The following SDC3 variants were observed in gnomAD, a reference collection of about 807,000 sequenced individuals.
The protein encoded by SDC3 is syndecan 3, also known as syndecan-3.
SDC3 carries 13 observed loss-of-function variants against 24.4 expected under a neutral mutation model. The ratio of observed to expected loss-of-function variants is 0.53; its 90% CI spans 0.35 to 0.85. SDC3 has a LOEUF of 0.85. SDC3 is among the 40% of genes least tolerant of loss of function. The pLI is 0.01. For missense variants in SDC3, 571 were observed against 584.5 expected (o/e 0.98, Z 0.24); for synonymous variants, 295 against 260.9 (o/e 1.13, Z -1.26).
chr1:30,873,256 G>A lies in SDC3; in HGVS notation c.1284C>T (p.Ser428=), dbSNP rs143952864. ...SYTLEEPKQA[S]VTYQKPDKQE... ...GCTTGTCAGGCTTCTGGTATGTGAC[G>A]CTCGCCTGCTTGGGTTCCTCCAGCG... The change falls in exon 5 of 5, where the codon AGC becomes AGT. Residue 428 remains serine (S), a synonymous_variant. Transcript: ENST00000339394. 5.6e-5 allele frequency: 90 copies of A among 1,613,244 alleles called. 2 individuals carry two copies. Among genetic ancestry groups the A allele is most frequent in the East Asian group, 4.0e-4 (18 of 44,888 alleles).
intron 1 of SDC3, among the ~76,000 whole-genome samples, chr1:30,893,261 T>G (rs904205997): frequency 2.0e-5 from 2 of 100,228 alleles, no homozygotes; most frequent in Non-Finnish European, 3.8e-5. Flanking sequence ...AAAGACAGTC[T>G]CACCACTGTG....
Position 30,874,554 on chromosome 1 carries a change from C to T in SDC3, c.905G>A (p.Arg302Gln), listed in dbSNP as rs184703127. 105 of 1,614,118 alleles carry T rather than the reference C, an allele frequency of 6.5e-5. No individual in the cohort carries two copies. The highest frequency in any genetic ancestry group is 6.3e-4 in the Admixed American group (38 of 60,012). Residue 302 changes from arginine (R) to glutamine (Q), a missense_variant, in exon 4 of 5, where the codon CGG becomes CAG. Arg to Gln is a conservative substitution (Grantham distance 43). Coordinates refer to ENST00000339394, the MANE Select transcript of SDC3 (RefSeq NM_014654.4). Reference sequence around the variant, plus strand: ...ACTCACCGGAACCTCTGGCTCATCCCGGATTGTGGTCAGGAAGGTCTCTGG... The same window carrying T: ...ACTCACCGGAACCTCTGGCTCATCCTGGATTGTGGTCAGGAAGGTCTCTGG... Reference protein sequence around the residue: ...PTPETFLTTIRDEPEVPVSGG... With the variant: ...PTPETFLTTIQDEPEVPVSGG...
chr1:30,902,144 G>A (rs1249831544), intron 1 of SDC3, among the ~76,000 whole-genome samples: 1 of 152,228 alleles, frequency 6.6e-6, no homozygotes, highest in Non-Finnish European at 1.5e-5. Context: ...TGGGGCAACA[G>A]GGGTTGTAGA....
intron 1 of SDC3, among the ~76,000 whole-genome samples, chr1:30,901,954 G>C (rs576319950): frequency 5.9e-5 from 9 of 152,330 alleles, no homozygotes; most frequent in African/African-American, 1.9e-4. Context: ...AGAGAGGTTA[G>C]GTGAACTCAC....
Position 30,877,074 on chromosome 1 carries a change from G to T in SDC3, c.348C>A (p.Thr116=), listed in dbSNP as rs1330697844. The T allele has an allele frequency of 6.2e-7, 1 of 1,614,010 alleles. No homozygotes were observed. Residue 116 remains threonine (T), a synonymous_variant, in exon 3 of 5, where the codon ACC becomes ACA. Transcript: ENST00000339394. The part of the protein sequence containing the change: ...AVSTTPAVLP[T]TNIQPVGTPF... ...GTGTGCCCACAGGCTGGATGTTCGT[G>T]GTGGGCAGCACCGCAGGTGTGGTGG...
In SDC3 at chr1:30,873,108, G is replaced by A; in HGVS notation, c.*103C>T. The A allele has an allele frequency of 2.4e-6, 2 of 818,742 alleles. No homozygotes were observed. The highest frequency in any genetic ancestry group is 2.4e-5 in the East Asian group (1 of 41,066). The allele number at this position is 818,742 out of a possible 1,614,324, so 50.7% of individuals were successfully genotyped here. A position where few individuals can be genotyped will look rare whatever the true frequency, so the allele number is the denominator to read the frequency against. Reference sequence around the variant, plus strand: ...TTGGGAGAGAGGGCAGAGAAGAACTGGGGCCAGGTTCCAGGCCCAGTCCCA... The same window carrying A: ...TTGGGAGAGAGGGCAGAGAAGAACTAGGGCCAGGTTCCAGGCCCAGTCCCA... On this transcript the variant is annotated 3_prime_UTR_variant, in exon 5 of 5. Transcript: ENST00000339394.
chr1:30,908,611 G>C lies in SDC3; in HGVS notation c.-25C>G. The C allele has an allele frequency of 1.1e-6, 1 of 926,752 alleles. No individual in the cohort carries two copies. The highest frequency in any genetic ancestry group is 4.8e-5 in the South Asian group (1 of 20,786). The allele number at this position is 926,752 out of a possible 1,614,324, so 57.4% of individuals were successfully genotyped here. On this transcript the variant is annotated 5_prime_UTR_variant, in exon 1 of 5. Coordinates refer to ENST00000339394, the MANE Select transcript of SDC3 (RefSeq NM_014654.4). ...TGGCGGCGGCGCGGGCGCGGGCGGCGGGCGGCGGGCGGGCGCCTTTGTTCC... is the reference window on the plus strand; with the variant it reads ...TGGCGGCGGCGCGGGCGCGGGCGGCCGGCGGCGGGCGGGCGCCTTTGTTCC...
At chr1:30,895,967 G>C (rs541903644) in intron 1 of SDC3, among the ~76,000 whole-genome samples, 4 of 152,260 alleles carry the variant, frequency 2.6e-5, no homozygotes, top group South Asian at 2.1e-4. Context: ...GAGCCTCCGA[G>C]CCCACAGTCT....
At chr1:30,874,146 G>T in intron 4 of SDC3, 151 bp downstream of exon 4, 3 of 633,800 alleles carry the variant, frequency 4.7e-6, no homozygotes, top group Admixed American at 2.9e-5. Context: ...AGGTCCTGGG[G>T]GGTTGAGTTC....
chr1:30,876,515 C>A, intron 3 of SDC3, 37 bp downstream of exon 3: 4 of 1,488,244 alleles, frequency 2.7e-6, no homozygotes, highest in Non-Finnish European at 3.6e-6. Flanking sequence ...ACCCACCCTC[C>A]TCCGCCCTCC....
chr1:30,906,272 C>T (rs1244191468), intron 1 of SDC3, among the ~76,000 whole-genome samples: 2 of 152,124 alleles, frequency 1.3e-5, no homozygotes, highest in African/African-American at 4.8e-5. Context: ...GCCTGGAGGA[C>T]ACTCCACTTC....
chr1:30,903,190 G>A (rs985191738), intron 1 of SDC3, among the ~76,000 whole-genome samples: 1 of 152,156 alleles, frequency 6.6e-6, no homozygotes, highest in Non-Finnish European at 1.5e-5. Flanking sequence ...CAGAGATGGA[G>A]CAGGAGGAAC....
chr1:30,878,672 G>A lies in SDC3; in HGVS notation c.207C>T (p.Ser69=), dbSNP rs750233626. The A allele has an allele frequency of 1.9e-6, 3 of 1,614,200 alleles. No individual in the cohort carries two copies. The highest frequency in any genetic ancestry group is 2.5e-6 in the Non-Finnish European group (3 of 1,180,024). The change falls in exon 2 of 5, where the codon TCC becomes TCT. Residue 69 remains serine, a synonymous_variant. Coordinates refer to ENST00000339394, the MANE Select transcript of SDC3 (RefSeq NM_014654.4). ...GGTCATCCAGTTCATCATCGGGAAAGGAGTCATCATCCCCAGAGCCCTCCA... is the reference window on the plus strand; with the variant it reads ...GGTCATCCAGTTCATCATCGGGAAAAGAGTCATCATCCCCAGAGCCCTCCA... ...VDLEGSGDDD[S]FPDDELDDLY...
intron 1 of SDC3, among the ~76,000 whole-genome samples, chr1:30,894,574 G>A (rs1259378116): frequency 2.1e-5 from 3 of 142,728 alleles, no homozygotes; most frequent in Non-Finnish European, 3.0e-5. Flanking sequence ...GTGTGTGGGT[G>A]TATGTGTGGG....
In SDC3 at chr1:30,877,177, G is replaced by A. The variant is rs1487444346; in HGVS notation, c.257-12C>T. 1.2e-6 allele frequency: 2 copies of A among 1,613,588 alleles called. No individual in the cohort carries two copies. The highest frequency in any genetic ancestry group is 3.3e-5 in the Admixed American group (2 of 59,986). ...CTCCTGCTCGAAGTCTGAGGGGGTG[G>A]GGGAGAGGGAGAGAGCTAGGGAGCT... On this transcript the variant is annotated splice_polypyrimidine_tract_variant and intron_variant, in intron 2 of 4. Coordinates refer to ENST00000339394, the MANE Select transcript of SDC3 (RefSeq NM_014654.4).
At chr1:30,875,447 GC>G (rs1213476430) in intron 3 of SDC3, among the ~76,000 whole-genome samples, 1 of 152,180 alleles carries the variant, frequency 6.6e-6, no homozygotes, top group African/African-American at 2.4e-5. Context: ...CAAGGGAAGG[GC>G]CTGCATCCTG....
intron 1 of SDC3, among the ~76,000 whole-genome samples, chr1:30,899,111 G>C (rs1570026645): frequency 6.6e-6 from 1 of 152,146 alleles, no homozygotes; most frequent in Non-Finnish European, 1.5e-5. Context: ...GTTTGAGATG[G>C]AGTCTCGCTC....
chr1:30,874,273 C>T (rs748468779), intron 4 of SDC3, 24 bp downstream of exon 4: 2 of 1,577,736 alleles, frequency 1.3e-6, no homozygotes, highest in South Asian at 2.3e-5. Context: ...CCAGGCTCCC[C>T]TTGGCCCAGA....
chr1:30,869,554 A>C lies in SDC3; in HGVS notation c.*3657T>G, dbSNP rs1322008557. The C allele has an allele frequency of 1.2e-3, 475 of 395,038 alleles. No individual in the cohort carries two copies. Among genetic ancestry groups the C allele is most frequent in the Admixed American group, 3.2e-3 (71 of 22,430 alleles). The allele number at this position is 395,038 out of a possible 1,614,324, so 24.5% of individuals were successfully genotyped here. A position where few individuals can be genotyped will look rare whatever the true frequency, so the allele number is the denominator to read the frequency against. Reference sequence around the variant, plus strand: ...AAACAAACAAAAAAAAAAAAAAAAAAAAAAAAACAAAAACAAAACCAGTTC... The same window carrying C: ...AAACAAACAAAAAAAAAAAAAAAAACAAAAAAACAAAAACAAAACCAGTTC... On this transcript the variant is annotated 3_prime_UTR_variant, in exon 5 of 5. Coordinates refer to ENST00000339394, the MANE Select transcript of SDC3 (RefSeq NM_014654.4).
Sources: gnomAD v4.1 joint callset for allele counts (sites outside exome capture counted in the v4.1 genomes callset) on GRCh38, gnomAD v4.1.1 for gene constraint, MANE v1.5 for transcripts, NCBI Gene and HGNC (gene_info 2026-07-23, HGNC 2026-07-21) for gene names.